The following WWC2 variants were observed in gnomAD, a reference collection of about 807,000 sequenced individuals.
The protein encoded by WWC2 is protein WWC2.
WWC2 carries 101 observed loss-of-function variants against 138.5 expected under a neutral mutation model. That is an observed-to-expected ratio of 0.73 (90% CI 0.62 to 0.86). The LOEUF is 0.86. Ranked by LOEUF, WWC2 falls within the 40% of genes least tolerant of loss-of-function variation. The pLI is 0.00. For synonymous variants in WWC2, 558 were observed against 538.4 expected, an observed-to-expected ratio of 1.04 and a Z score of -0.50; for missense variants, 1,420 against 1,419.4, an observed-to-expected ratio of 1.00 and a Z score of -0.01.
At position 183,316,155 on chromosome 4, in the gene WWC2, CTG is replaced by C. The variant is rs1187783289; in HGVS notation, c.*429_*430del. 5.8e-6 allele frequency: 1 copy of C among 173,376 alleles called. No individual in the cohort carries two copies. Among genetic ancestry groups the C allele is most frequent in the African/African-American group, 2.4e-5 (1 of 41,758 alleles). The allele number at this position is 173,376 out of a possible 1,614,324, so 10.7% of individuals were successfully genotyped here. On this transcript the variant is annotated 3_prime_UTR_variant, in exon 23 of 23. Coordinates refer to ENST00000403733, the MANE Select transcript of WWC2 (RefSeq NM_024949.6). ...CGATGGCAGCAGCGCCACGTGGTATCTGTGCGCTGGCGAGGAGAGGAGCGCTT... is the reference window on the plus strand; with the variant it reads ...CGATGGCAGCAGCGCCACGTGGTATCTGCGCTGGCGAGGAGAGGAGCGCTT...
At chr4:183,130,169 C>T (rs1327997245) in intron 1 of WWC2, among the ~76,000 whole-genome samples, 1 of 151,760 alleles carries the variant, frequency 6.6e-6, no homozygotes, top group Non-Finnish European at 1.5e-5. Flanking sequence ...TCTCCTGCCT[C>T]AGCCTTCCAA....
chr4:183,208,156 T>TGTA lies in WWC2; in HGVS notation c.445+1_445+3dup. On this transcript the variant is annotated protein_altering_variant and splice_region_variant. Coordinates refer to ENST00000403733, the MANE Select transcript of WWC2 (RefSeq NM_024949.6). ...GGAAAAGTCAAGTTCTCACACAAGC[T>TGTA]GTAAGTACAGTGTGGCTATTCAGAC... 6.2e-7 allele frequency: 1 copy of TGTA among 1,613,474 alleles called. No individual in the cohort carries two copies. The highest frequency in any genetic ancestry group is 8.5e-7 in the Non-Finnish European group (1 of 1,179,606).
chr4:183,123,982 C>T (rs190735214), intron 1 of WWC2, among the ~76,000 whole-genome samples: 109 of 152,172 alleles, frequency 7.2e-4, no homozygotes, highest in Non-Finnish European at 7.8e-4. Flanking sequence ...AAATTCGGAA[C>T]GTTCATTCTT....
intron 21 of WWC2, among the ~76,000 whole-genome samples, chr4:183,305,283 T>C (rs1738988744): frequency 6.6e-6 from 1 of 151,836 alleles, no homozygotes; most frequent in Admixed American, 6.6e-5. Context: ...CTACAGAAGA[T>C]GTACAATGTG....
intron 11 of WWC2, among the ~76,000 whole-genome samples, chr4:183,262,631 G>A (rs527895854): frequency 2.0e-5 from 3 of 152,236 alleles, no homozygotes; most frequent in Non-Finnish European, 2.9e-5. Flanking sequence ...CTCTCCTGGG[G>A]AGATGTCAAA....
intron 1 of WWC2, among the ~76,000 whole-genome samples, chr4:183,129,843 AT>A (rs1233878316): frequency 2.0e-5 from 3 of 152,126 alleles, no homozygotes; most frequent in Admixed American, 6.5e-5. Context: ...TGATAGCTCT[AT>A]GTCTGCAGTC....
In WWC2 at chr4:183,246,354, T is replaced by TA. The variant is rs1198682216; in HGVS notation, c.732+810dup. On this transcript the variant is annotated intron_variant, in intron 6 of 22. Coordinates refer to ENST00000403733, the MANE Select transcript of WWC2 (RefSeq NM_024949.6). The stretch of plus-strand genomic sequence containing the variant: ...TTAGTCCGCATCTATGGGAAAATGT[T>TA]AGAGTCACTGATGATGTTTACATTC... Among the ~76,000 whole-genome samples, 4 of 152,202 alleles carry TA rather than the reference T, an allele frequency of 2.6e-5. No individual in the cohort carries two copies. In the South Asian group the frequency reaches 6.2e-4, roughly 24 times the overall value.
At chr4:183,167,756 C>T (rs1734165258) in intron 1 of WWC2, among the ~76,000 whole-genome samples, 1 of 152,016 alleles carries the variant, frequency 6.6e-6, no homozygotes, top group Non-Finnish European at 1.5e-5. Flanking sequence ...GAAAGGGAAT[C>T]ACTGGAAATG....
At chr4:183,122,777 C>CT (rs1732641427) in intron 1 of WWC2, among the ~76,000 whole-genome samples, 1 of 152,066 alleles carries the variant, frequency 6.6e-6, no homozygotes, top group South Asian at 2.1e-4. Context: ...ACTTGGCCCC[C>CT]CAAAGTGCTG....
intron 5 of WWC2, among the ~76,000 whole-genome samples, chr4:183,240,873 T>TA (rs1306654167): frequency 2.6e-5 from 4 of 152,028 alleles, no homozygotes; most frequent in Non-Finnish European, 5.9e-5. Context: ...CTGGGCCAGG[T>TA]AAAGTGGAAA....
intron 2 of WWC2, among the ~76,000 whole-genome samples, chr4:183,204,958 G>C (rs116572147): frequency 6.6e-6 from 1 of 152,274 alleles, no homozygotes; most frequent in Middle Eastern, 3.4e-3. Flanking sequence ...TTATTGCTGA[G>C]TAGTATTTTA....
At chr4:183,190,900 TACTC>T (rs1465499045) in intron 1 of WWC2, among the ~76,000 whole-genome samples, 1 of 152,240 alleles carries the variant, frequency 6.6e-6, no homozygotes. Context: ...ATTCCTGTCA[TACTC>T]ACGCTTAAGC....
At chr4:183,191,964 A>G (rs999362259) in intron 1 of WWC2, among the ~76,000 whole-genome samples, 2 of 152,114 alleles carry the variant, frequency 1.3e-5, no homozygotes, top group Admixed American at 1.3e-4. Context: ...GGTCTCAGCC[A>G]TCCTCCTGCC....
intron 4 of WWC2, among the ~76,000 whole-genome samples, chr4:183,226,095 C>CTTTTTT (rs11321151): frequency 8.2e-4 from 93 of 113,450 alleles, no homozygotes; most frequent in Non-Finnish European, 1.1e-3. Flanking sequence ...CTTTTCTTTT[C>CTTTTTT]TTTTTTTTTT....
chr4:183,246,383 A>C (rs561223610), intron 6 of WWC2, among the ~76,000 whole-genome samples: 2 of 152,350 alleles, frequency 1.3e-5, no homozygotes, highest in South Asian at 4.1e-4. Flanking sequence ...TACATTCTCA[A>C]TAGAACATCT....
chr4:183,106,703 CTT>C (rs1367288114), intron 1 of WWC2, among the ~76,000 whole-genome samples: 8 of 152,144 alleles, frequency 5.3e-5, no homozygotes, highest in African/African-American at 1.7e-4. Context: ...TATCTGGCTT[CTT>C]TTTTTCTTAG....
In WWC2 at chr4:183,168,538, G is replaced by T. The variant is rs191410913; in HGVS notation, c.132-25061G>T. 6.8e-3 allele frequency among the ~76,000 whole-genome samples: 1,029 copies of T among 152,236 alleles called. 13 individuals carry two copies. The highest frequency in any genetic ancestry group is 8.3e-3 in the Non-Finnish European group (566 of 68,008). ...ATGGGGTTAGAACCTAGATGCTGTG[G>T]TTTCTTGTGCAGCGGGTATTTACCT... is the stretch of plus-strand genomic sequence containing the variant. On this transcript the variant is annotated intron_variant, in intron 1 of 22. Coordinates refer to ENST00000403733, the MANE Select transcript of WWC2 (RefSeq NM_024949.6).
chr4:183,262,673 A>G lies in WWC2; in HGVS notation c.1909+1141A>G, dbSNP rs1003665802. 2.5e-4 allele frequency among the ~76,000 whole-genome samples: 38 copies of G among 152,178 alleles called. 1 individual carries two copies. The highest frequency in any genetic ancestry group is 5.9e-4 in the Admixed American group (9 of 15,284). On this transcript the variant is annotated intron_variant, in intron 11 of 22. Transcript: ENST00000403733. ...AGTAGCAGGTTATGGAAATAACCACAAAGAAAATAACCAGGGGAATGGTGT... is the reference window on the plus strand; with the variant it reads ...AGTAGCAGGTTATGGAAATAACCACGAAGAAAATAACCAGGGGAATGGTGT...
intron 1 of WWC2, among the ~76,000 whole-genome samples, chr4:183,159,727 TTTA>T (rs58354776): frequency 0.33 from 43,763 of 132,984 alleles, 6,553 homozygotes; most frequent in East Asian, 0.42. Context: ...TTTTTTTTTT[TTTA>T]AAAAAAAAAA....
Sources: allele counts gnomAD v4.1 joint callset (sites outside exome capture counted in the v4.1 genomes callset), GRCh38; gene constraint gnomAD v4.1.1; transcripts MANE v1.5; gene names NCBI Gene and HGNC (gene_info 2026-07-23, HGNC 2026-07-21).